PEPD: variants seen among roughly 807,000 people sequenced by gnomAD.
The protein encoded by PEPD is xaa-Pro dipeptidase.
PEPD carries 53 observed loss-of-function variants against 60.7 expected under a neutral mutation model. That is an observed-to-expected ratio of 0.87 (90% CI 0.70 to 1.10). PEPD has a LOEUF of 1.10. Among genes scored for constraint, PEPD ranks in the 50% least tolerant of loss-of-function variants. PEPD has a pLI of 0.00. For missense variants in PEPD, 711 were observed against 711.9 expected (o/e 1.00, Z 0.01); for synonymous variants, 267 against 284.1 (o/e 0.94, Z 0.60).
chr19:33,492,335 C>A (rs567900150), intron 5 of PEPD, among the ~76,000 whole-genome samples: 1 of 152,268 alleles, frequency 6.6e-6, no homozygotes, highest in South Asian at 2.1e-4. Flanking sequence ...GGTTTTCAGA[C>A]CCCTTTAACA....
intron 9 of PEPD, among the ~76,000 whole-genome samples, chr19:33,461,942 G>C (rs1969933266): frequency 6.6e-6 from 1 of 152,218 alleles, no homozygotes; most frequent in Non-Finnish European, 1.5e-5. Context: ...GCGGGGTAAG[G>C]AGAGAAGCAC....
intron 9 of PEPD, among the ~76,000 whole-genome samples, chr19:33,416,630 T>C (rs12461274): frequency 0.52 from 79,160 of 152,034 alleles, 20,919 homozygotes; most frequent in African/African-American, 0.59. Flanking sequence ...GCTTCCTGAT[T>C]GGCTGAGAGG....
chr19:33,486,107 T>C (rs763547077), intron 6 of PEPD, among the ~76,000 whole-genome samples: 2 of 152,046 alleles, frequency 1.3e-5, no homozygotes, highest in Non-Finnish European at 2.9e-5. Context: ...CCTCCTTAGA[T>C]GTTTTCAGAG....
At chr19:33,470,165 C>G (rs919627641) in intron 7 of PEPD, among the ~76,000 whole-genome samples, 1 of 152,074 alleles carries the variant, frequency 6.6e-6, no homozygotes, top group Non-Finnish European at 1.5e-5. Context: ...CTCCCTCAGG[C>G]CCCCCCATTT....
At chr19:33,398,476 A>T (rs1301267858) in intron 12 of PEPD, among the ~76,000 whole-genome samples, 1 of 152,148 alleles carries the variant, frequency 6.6e-6, no homozygotes, top group Non-Finnish European at 1.5e-5. Flanking sequence ...GGTGTCTGAG[A>T]GACTCTGGCC....
intron 9 of PEPD, among the ~76,000 whole-genome samples, chr19:33,456,313 T>C (rs1969799492): frequency 6.6e-6 from 1 of 152,054 alleles, no homozygotes; most frequent in South Asian, 2.1e-4. Context: ...CAGGGTAGGC[T>C]CTGGACTAAG....
chr19:33,412,343 T>C (rs1968796720), intron 10 of PEPD, among the ~76,000 whole-genome samples: 1 of 152,042 alleles, frequency 6.6e-6, no homozygotes, highest in South Asian at 2.1e-4. Context: ...GGAGACCCTG[T>C]CTTTAAATTA....
intron 9 of PEPD, among the ~76,000 whole-genome samples, chr19:33,444,605 C>G (rs1969556269): frequency 6.7e-6 from 1 of 150,196 alleles, no homozygotes; most frequent in Non-Finnish European, 1.5e-5. Context: ...CACCCTCCAG[C>G]CCCCTCCCTC....
At chr19:33,394,324 C>T (rs1270644069) in intron 12 of PEPD, among the ~76,000 whole-genome samples, 3 of 152,250 alleles carry the variant, frequency 2.0e-5, no homozygotes, top group East Asian at 1.9e-4. Context: ...CCGCAGAGGG[C>T]GGGAATCAGG....
chr19:33,432,837 G>A (rs942605081), intron 9 of PEPD, among the ~76,000 whole-genome samples: 1 of 152,220 alleles, frequency 6.6e-6, no homozygotes, highest in Non-Finnish European at 1.5e-5. Context: ...AAGCTTTGGC[G>A]CTTCCGGGCT....
chr19:33,465,202 C>G (rs1334994040), intron 7 of PEPD, among the ~76,000 whole-genome samples: 2 of 152,174 alleles, frequency 1.3e-5, no homozygotes, highest in Non-Finnish European at 2.9e-5. Flanking sequence ...GCAGACACCA[C>G]GTCATCCATA....
At chr19:33,427,983 T>C (rs1438821662) in intron 9 of PEPD, among the ~76,000 whole-genome samples, 3 of 152,262 alleles carry the variant, frequency 2.0e-5, no homozygotes, top group African/African-American at 7.2e-5. Context: ...GGCGGCAATC[T>C]GATCATGGCA....
chr19:33,495,393 G>T (rs999325539), intron 4 of PEPD, among the ~76,000 whole-genome samples: 2 of 151,430 alleles, frequency 1.3e-5, no homozygotes, highest in South Asian at 2.1e-4. Flanking sequence ...AGCTACTCAG[G>T]AGGCTGAGGC....
rs1474482898 is a variant in PEPD, at chr19:33,411,692, C to T, written c.798G>A (p.Thr266=). The T allele has an allele frequency of 6.2e-6, 10 of 1,607,520 alleles. No homozygotes were observed. The highest frequency in any genetic ancestry group is 1.6e-4 in the Middle Eastern group (1 of 6,070). The part of the protein sequence containing the change: ...YGHAGAPNDR[T]IQNGDMCLFD... ...CTTACCACATATCCCCATTCTGGAT[C>T]GTTCGGTCGTTGGGAGCTCCGGCGT... Residue 266 remains threonine, a synonymous_variant, in exon 11 of 15, where the codon ACG becomes ACA. Coordinates refer to ENST00000244137, the MANE Select transcript of PEPD (RefSeq NM_000285.4).
chr19:33,509,295 G>A (rs1970876405), intron 3 of PEPD, among the ~76,000 whole-genome samples: 1 of 152,368 alleles, frequency 6.6e-6, no homozygotes, highest in African/African-American at 2.4e-5. Context: ...CTTCCCAGGG[G>A]CCGAGCCAGG....
At position 33,430,138 on chromosome 19, in the gene PEPD, G is replaced by A. The variant is rs1301195363; in HGVS notation, c.672-16495C>T. 2.6e-5 allele frequency among the ~76,000 whole-genome samples: 4 copies of A among 152,246 alleles called. No homozygotes were observed. In the South Asian group the frequency reaches 6.2e-4, roughly 24 times the overall value. On this transcript the variant is annotated intron_variant, in intron 9 of 14. Coordinates refer to ENST00000244137, the MANE Select transcript of PEPD (RefSeq NM_000285.4). The stretch of plus-strand genomic sequence containing the variant: ...CAGAGAGGATGCCACACTCCTCTCC[G>A]CTCCCCCTCACGGGATTAAATGAGA...
chr19:33,392,090 C>G (rs1241937485), intron 12 of PEPD, among the ~76,000 whole-genome samples: 1 of 152,220 alleles, frequency 6.6e-6, no homozygotes, highest in South Asian at 2.1e-4. Flanking sequence ...CACGGCCCCA[C>G]GAGCTGGCTG....
intron 2 of PEPD, 24 bp downstream of exon 2, chr19:33,512,569 T>C (rs1462858131): frequency 1.2e-6 from 2 of 1,610,264 alleles, no homozygotes; most frequent in South Asian, 1.1e-5. Context: ...ACCTGCTCAC[T>C]TGTGGCCAAG....
chr19:33,390,030 C>G (rs1225131429), intron 13 of PEPD, among the ~76,000 whole-genome samples: 1 of 152,252 alleles, frequency 6.6e-6, no homozygotes, highest in Non-Finnish European at 1.5e-5. Flanking sequence ...TCGCCTCTGC[C>G]TGGGCACAGG....
Sources: gnomAD v4.1 joint callset for allele counts (sites outside exome capture counted in the v4.1 genomes callset) on GRCh38, gnomAD v4.1.1 for gene constraint, MANE v1.5 for transcripts, NCBI Gene and HGNC (gene_info 2026-07-23, HGNC 2026-07-21) for gene names.